The following PKNOX2 variants were observed in gnomAD, a reference collection of about 807,000 sequenced individuals.
The protein encoded by PKNOX2 is PBX/knotted 1 homeobox 2, also known as homeobox protein PKNOX2.
A neutral mutation model predicts 53.1 loss-of-function variants in PKNOX2; 14 were observed. The ratio of observed to expected loss-of-function variants is 0.26; its 90% CI spans 0.17 to 0.41. The LOEUF (loss-of-function observed/expected upper bound fraction) is 0.41, where lower values mean the gene tolerates loss of function less well. PKNOX2 is among the 10% of genes least tolerant of loss of function. The probability of loss-of-function intolerance (pLI) is 1.00; values close to 1 mark genes in which losing one functional copy is unlikely to be tolerated. For synonymous variants in PKNOX2, 257 were observed against 242.8 expected (o/e 1.06, Z -0.54); for missense variants, 496 against 602.8 (o/e 0.82, Z 1.85).
chr11:125,329,714 T>C (rs950658684), intron 2 of PKNOX2, among the ~76,000 whole-genome samples: 13 of 152,168 alleles, frequency 8.5e-5, no homozygotes, highest in African/African-American at 3.1e-4. Flanking sequence ...GGTAGAAATA[T>C]CTGATCAGAC....
At chr11:125,303,612 A>G (rs943587924) in intron 2 of PKNOX2, among the ~76,000 whole-genome samples, 3 of 152,148 alleles carry the variant, frequency 2.0e-5, no homozygotes, top group African/African-American at 4.8e-5. Context: ...ACTCCATCAC[A>G]CTTGCCCTCC....
chr11:125,309,273 A>T (rs985044281), intron 2 of PKNOX2, among the ~76,000 whole-genome samples: 2 of 146,106 alleles, frequency 1.4e-5, no homozygotes, highest in Non-Finnish European at 3.0e-5. Flanking sequence ...ACATCACAAC[A>T]CTGGTACCAA....
chr11:125,280,302 G>T (rs932579042), intron 2 of PKNOX2, among the ~76,000 whole-genome samples: 1 of 151,974 alleles, frequency 6.6e-6, no homozygotes, highest in Non-Finnish European at 1.5e-5. Context: ...CAGACTCCTG[G>T]GGCTTCTTGA....
At chr11:125,312,254 C>T (rs957728094) in intron 2 of PKNOX2, among the ~76,000 whole-genome samples, 2 of 152,146 alleles carry the variant, frequency 1.3e-5, no homozygotes, top group African/African-American at 2.4e-5. Context: ...ATCTGTGCAC[C>T]ACACAGTAAA....
At chr11:125,322,258 G>A (rs1949557015) in intron 2 of PKNOX2, among the ~76,000 whole-genome samples, 1 of 152,134 alleles carries the variant, frequency 6.6e-6, no homozygotes, top group South Asian at 2.1e-4. Flanking sequence ...GTGATCTGAG[G>A]TCCTAGGGTT....
chr11:125,284,887 G>A (rs1668207933), intron 2 of PKNOX2, among the ~76,000 whole-genome samples: 1 of 152,010 alleles, frequency 6.6e-6, no homozygotes, highest in Non-Finnish European at 1.5e-5. Flanking sequence ...TCCCTACTGA[G>A]GTTCCCTGGC....
Position 125,348,102 on chromosome 11 carries a change from G to A in PKNOX2, c.-22-3182G>A, listed in dbSNP as rs539136849. On this transcript the variant is annotated intron_variant, in intron 3 of 12. Transcript: ENST00000298282. The stretch of plus-strand genomic sequence containing the variant: ...CAAAAAGGGCAGGCTTCCCCCAAAG[G>A]GCCAGGACCCCCGCTGTGGCTCAAA... Among the ~76,000 whole-genome samples the A allele has an allele frequency of 3.9e-5, 6 of 152,212 alleles. No individual in the cohort carries two copies. The East Asian group carries it at 1.2e-3, about 29-fold the overall frequency.
rs761038470 is a variant in PKNOX2, at chr11:125,206,456, T to C, written c.-200-28589T>C. Among the ~76,000 whole-genome samples the C allele has an allele frequency of 4.5e-4, 69 of 151,832 alleles. 1 individual carries two copies. The highest frequency in any genetic ancestry group is 3.2e-4 in the Non-Finnish European group (22 of 67,882). ...CAGGTCAGGATTCTGGTCCAAGGAGTGGCAAGAGATGAGTGGGAAAGCAGG... is the reference window on the plus strand; with the variant it reads ...CAGGTCAGGATTCTGGTCCAAGGAGCGGCAAGAGATGAGTGGGAAAGCAGG... On this transcript the variant is annotated intron_variant, in intron 1 of 12. Coordinates refer to ENST00000298282, the MANE Select transcript of PKNOX2 (RefSeq NM_001382323.2).
At chr11:125,290,954 C>T (rs1412384549) in intron 2 of PKNOX2, among the ~76,000 whole-genome samples, 1 of 152,106 alleles carries the variant, frequency 6.6e-6, no homozygotes, top group African/African-American at 2.4e-5. Flanking sequence ...CCAGGAGAAG[C>T]TGATGGGAGA....
At chr11:125,385,522 G>C (rs200252274) in intron 5 of PKNOX2, 29 bp from the exon 6 acceptor site, 2 of 1,585,220 alleles carry the variant, frequency 1.3e-6, no homozygotes, top group Non-Finnish European at 8.6e-7. Flanking sequence ...CTGTGTGTGC[G>C]CATGTGTGAG....
chr11:125,371,143 C>A (rs1952512861), intron 5 of PKNOX2, among the ~76,000 whole-genome samples: 1 of 152,026 alleles, frequency 6.6e-6, no homozygotes, highest in Admixed American at 6.5e-5. Flanking sequence ...TTGGATCATA[C>A]CAGAGCGTCA....
At chr11:125,215,173 T>C (rs540314299) in intron 1 of PKNOX2, among the ~76,000 whole-genome samples, 58 of 152,208 alleles carry the variant, frequency 3.8e-4, no homozygotes, top group African/African-American at 1.3e-3. Flanking sequence ...AAATATCAGC[T>C]TGCTGCAAGA....
At chr11:125,178,614 GA>G (rs1691791789) in intron 1 of PKNOX2, among the ~76,000 whole-genome samples, 1 of 60,840 alleles carries the variant, frequency 1.6e-5, no homozygotes, top group Non-Finnish European at 3.0e-5. Flanking sequence ...AGGAAGGAAA[GA>G]AAGAAAGAAA....
rs1956208519 is a variant in PKNOX2 at position 125,422,220 on chromosome 11, T to C, written c.937-6792T>C. On this transcript the variant is annotated intron_variant, in intron 10 of 12. Transcript: ENST00000298282. The surrounding 1 kb of genome is among the most constrained non-coding windows in gnomAD (Gnocchi z 4.1). ...TCTCACTCTTGAAACCTGGGAACAC[T>C]GTGGCCCCTTACCCCAGCCACGACT... is the stretch of plus-strand genomic sequence containing the variant. Among the ~76,000 whole-genome samples, 1 of 152,166 alleles carries C rather than the reference T, an allele frequency of 6.6e-6. No homozygotes were observed. Among genetic ancestry groups the C allele is most frequent in the Non-Finnish European group, 1.5e-5 (1 of 68,016 alleles).
In PKNOX2 at chr11:125,411,922, C is replaced by T. The variant is rs978634973; in HGVS notation, c.936+57C>T. The T allele has an allele frequency of 1.8e-5, 29 of 1,606,970 alleles. 1 individual carries two copies. Among genetic ancestry groups the T allele is most frequent in the South Asian group, 1.4e-4 (13 of 90,188 alleles). On this transcript the variant is annotated intron_variant, in intron 10 of 12. Coordinates refer to ENST00000298282, the MANE Select transcript of PKNOX2 (RefSeq NM_001382323.2). ...CCGGCATGGGGTATGAATAACCCAC[C>T]GTGTGGGTACCAGACTCTGCTGTCG...
chr11:125,393,269 AAAATT>A lies in PKNOX2; in HGVS notation c.400-4596_400-4592del, dbSNP rs373401337. 6.2e-3 allele frequency among the ~76,000 whole-genome samples: 946 copies of A among 152,298 alleles called. 13 individuals are homozygous for A. The highest frequency in any genetic ancestry group is 0.021 in the African/African-American group (860 of 41,554). On this transcript the variant is annotated intron_variant, in intron 6 of 12. Transcript: ENST00000298282. ...AAGACTCAATACTTGTTGAATGAAT[AAAATT>A]AAATTAAAAAGAAGTTGTGTTGATA...
At chr11:125,364,178 T>G (rs1952067313) in intron 4 of PKNOX2, among the ~76,000 whole-genome samples, 1 of 152,224 alleles carries the variant, frequency 6.6e-6, no homozygotes, top group Non-Finnish European at 1.5e-5. Context: ...CCTCTCCTTT[T>G]GAGCTCCAGT....
At chr11:125,223,416 AGATGAG>A (rs1395766610) in intron 1 of PKNOX2, among the ~76,000 whole-genome samples, 2 of 152,168 alleles carry the variant, frequency 1.3e-5, no homozygotes, top group Non-Finnish European at 2.9e-5. Context: ...TTTTTAGTAA[AGATGAG>A]TTTTGCCATT....
rs558202030 is a variant in PKNOX2, at chr11:125,223,370, C to T, written c.-200-11675C>T. On this transcript the variant is annotated intron_variant, in intron 1 of 12. Transcript: ENST00000298282. ...TCAGCGTCCTGAGCAGCTGGGATTA[C>T]AGGCACCCGCCACCATGCCCAGCTA... is the stretch of plus-strand genomic sequence containing the variant. Among the ~76,000 whole-genome samples, 98 of 152,276 alleles carry T rather than the reference C, an allele frequency of 6.4e-4. 4 individuals carry two copies. The highest frequency in any genetic ancestry group is 7.5e-4 in the African/African-American group (31 of 41,558).
Sources: gnomAD v4.1 joint callset for allele counts (sites outside exome capture counted in the v4.1 genomes callset) on GRCh38, gnomAD v4.1.1 for gene constraint, Gnocchi (gnomAD v3.1) non-coding constraint, MANE v1.5 for transcripts, NCBI Gene and HGNC (gene_info 2026-07-23, HGNC 2026-07-21) for gene names.